PTPRD: variants seen among roughly 807,000 people sequenced by gnomAD.
PTPRD encodes protein tyrosine phosphatase receptor type D, also known as receptor-type tyrosine-protein phosphatase delta.
A neutral mutation model predicts 214.5 loss-of-function variants in PTPRD; 34 were observed. The observed-to-expected ratio is 0.16, with a 90% CI of 0.12 to 0.21. PTPRD has a LOEUF of 0.21. PTPRD is among the 10% of genes least tolerant of loss of function. The pLI, the probability that PTPRD is intolerant of heterozygous loss-of-function variation, is 1.00. For missense variants in PTPRD, 2,545 were observed against 2,398.7 expected, an observed-to-expected ratio of 1.06 and a Z score of -1.27; for synonymous variants, 1,128 against 845.7, an observed-to-expected ratio of 1.33 and a Z score of -5.79.
At chr9:9,381,139 A>T (rs767274161) in intron 9 of PTPRD, among the ~76,000 whole-genome samples, 12 of 152,060 alleles carry the variant, frequency 7.9e-5, no homozygotes, top group Non-Finnish European at 1.8e-4. Flanking sequence ...ATCTACTCTG[A>T]CAATCTCTGT....
At chr9:10,330,179 T>A (rs2096723245) in intron 3 of PTPRD, among the ~76,000 whole-genome samples, 1 of 151,862 alleles carries the variant, frequency 6.6e-6, no homozygotes, top group African/African-American at 2.4e-5. Context: ...TAACTGGGAC[T>A]ATGAGATTGA....
chr9:10,417,102 C>G (rs933023262), intron 2 of PTPRD, among the ~76,000 whole-genome samples: 1 of 151,758 alleles, frequency 6.6e-6, no homozygotes, highest in Non-Finnish European at 1.5e-5. Flanking sequence ...GATGTTTTTG[C>G]TCTCACTCCG....
chr9:8,337,873 A>ATT (rs1554721263), intron 43 of PTPRD, among the ~76,000 whole-genome samples: 1 of 143,888 alleles, frequency 6.9e-6, no homozygotes, highest in Non-Finnish European at 1.5e-5. Context: ...AAAGAGCACT[A>ATT]TTTTTTTTTT....
At chr9:8,509,113 C>T (rs1428912078) in intron 21 of PTPRD, among the ~76,000 whole-genome samples, 1 of 151,816 alleles carries the variant, frequency 6.6e-6, no homozygotes, top group Non-Finnish European at 1.5e-5. Flanking sequence ...CAGTACCTGC[C>T]CAGTGGGTGA....
At chr9:9,010,264 G>T (rs2099503902) in intron 11 of PTPRD, among the ~76,000 whole-genome samples, 1 of 152,134 alleles carries the variant, frequency 6.6e-6, no homozygotes, top group Non-Finnish European at 1.5e-5. Context: ...AGACACAATG[G>T]ATAGAAATCA....
chr9:10,364,817 C>T (rs904735114), intron 2 of PTPRD, among the ~76,000 whole-genome samples: 19 of 152,112 alleles, frequency 1.2e-4, no homozygotes, highest in Admixed American at 4.6e-4. Context: ...TATTACCATA[C>T]GATATCTATA....
At chr9:8,738,434 A>C (rs1465554595) in intron 11 of PTPRD, among the ~76,000 whole-genome samples, 3 of 152,128 alleles carry the variant, frequency 2.0e-5, no homozygotes, top group African/African-American at 7.2e-5. Flanking sequence ...AAAAAGACAA[A>C]CTAGGGCCTA....
At chr9:9,839,116 A>G (rs932988344) in intron 5 of PTPRD, among the ~76,000 whole-genome samples, 2 of 152,088 alleles carry the variant, frequency 1.3e-5, no homozygotes, top group African/African-American at 4.8e-5. Flanking sequence ...GTGCTGTTCC[A>G]TTGATCTATA....
chr9:8,790,691 T>G (rs2096194565), intron 11 of PTPRD, among the ~76,000 whole-genome samples: 1 of 151,960 alleles, frequency 6.6e-6, no homozygotes, highest in South Asian at 2.1e-4. Flanking sequence ...TTTTTTAGTG[T>G]GGATTGAGGT....
intron 5 of PTPRD, among the ~76,000 whole-genome samples, chr9:9,900,054 A>G (rs2076025062): frequency 6.6e-6 from 1 of 152,184 alleles, no homozygotes. Flanking sequence ...TTGAAGAAAT[A>G]TTCTGTGTTC....
At chr9:10,092,858 T>G (rs1230470829) in intron 3 of PTPRD, among the ~76,000 whole-genome samples, 1 of 151,458 alleles carries the variant, frequency 6.6e-6, no homozygotes, top group Non-Finnish European at 1.5e-5. Context: ...GGAAAAAGAC[T>G]CCCTATTCAA....
At chr9:8,962,618 T>C (rs556560091) in intron 11 of PTPRD, among the ~76,000 whole-genome samples, 2 of 152,134 alleles carry the variant, frequency 1.3e-5, no homozygotes, top group African/African-American at 4.8e-5. Context: ...AAAAAATTGA[T>C]TTATCACTTA....
chr9:10,278,899 C>CG (rs2094907305), intron 3 of PTPRD, among the ~76,000 whole-genome samples: 1 of 152,002 alleles, frequency 6.6e-6, no homozygotes. Context: ...CTCAGCCTCC[C>CG]GAGTAGCTGG....
chr9:8,716,579 G>A (rs1453873934), intron 12 of PTPRD, among the ~76,000 whole-genome samples: 8 of 136,744 alleles, frequency 5.9e-5, no homozygotes, highest in Non-Finnish European at 1.0e-4. Context: ...AGTCGCAGAC[G>A]AGATCCATCC....
At chr9:10,268,326 T>A (rs2094213099) in intron 3 of PTPRD, among the ~76,000 whole-genome samples, 1 of 150,264 alleles carries the variant, frequency 6.7e-6, no homozygotes, top group African/African-American at 2.4e-5. Context: ...ATAACGATAA[T>A]AATAATAATA....
chr9:9,179,687 T>C (rs2099927020), intron 10 of PTPRD, among the ~76,000 whole-genome samples: 1 of 152,126 alleles, frequency 6.6e-6, no homozygotes, highest in Non-Finnish European at 1.5e-5. Flanking sequence ...AAGGAGGAAC[T>C]GGCAGGATAA....
At chr9:10,374,833 G>C (rs962560776) in intron 2 of PTPRD, among the ~76,000 whole-genome samples, 18 of 151,956 alleles carry the variant, frequency 1.2e-4, no homozygotes, top group Admixed American at 2.6e-4. Flanking sequence ...CTTGAAAACA[G>C]TACTGATGTA....
intron 44 of PTPRD, 35 bp downstream of exon 44, chr9:8,331,547 A>C: frequency 6.7e-7 from 1 of 1,491,694 alleles, no homozygotes; most frequent in Non-Finnish European, 9.0e-7. Context: ...AAACACCACC[A>C]CTTATCACTG....
chr9:10,485,821 T>C (rs1479101465), intron 2 of PTPRD, among the ~76,000 whole-genome samples: 3 of 152,102 alleles, frequency 2.0e-5, no homozygotes, highest in Non-Finnish European at 4.4e-5. Flanking sequence ...TAATTTCACT[T>C]CTTGTTCCTG....
Sources: allele counts gnomAD v4.1 joint callset (sites outside exome capture counted in the v4.1 genomes callset), GRCh38; gene constraint gnomAD v4.1.1; transcripts MANE v1.5; gene names NCBI Gene and HGNC (gene_info 2026-07-23, HGNC 2026-07-21).